Variants in PDE10A observed in about 807,000 individuals in gnomAD.
PDE10A encodes phosphodiesterase 10A.
Under a neutral mutation model 97.7 loss-of-function variants are expected in PDE10A, and 39 were observed. The observed-to-expected ratio is 0.40, with a 90% CI of 0.31 to 0.52. PDE10A has a LOEUF of 0.52. Among genes scored for constraint, PDE10A ranks in the 20% least tolerant of loss-of-function variants. PDE10A has a pLI of 0.56. For missense variants in PDE10A, 731 were observed against 1,047.8 expected (o/e 0.70, Z 4.17); for synonymous variants, 371 against 376.8 (o/e 0.98, Z 0.18).
In PDE10A at chr6:165,328,841, G is replaced by T. The variant is rs1781189130; in HGVS notation, c.*4184C>A. The T allele has an allele frequency of 6.6e-6, 1 of 152,190 alleles. No individual in the cohort carries two copies. Among genetic ancestry groups the T allele is most frequent in the Non-Finnish European group, 1.5e-5 (1 of 68,036 alleles). The allele number at this position is 152,190 out of a possible 1,614,324, so 9.4% of individuals were successfully genotyped here. A position where few individuals can be genotyped will look rare whatever the true frequency, so the allele number is the denominator to read the frequency against. ...ATTCCGTTGGAAAAAAGACAAAAAA[G>T]TGTGCACTGCATTGGATATTACTAA... On this transcript the variant is annotated 3_prime_UTR_variant, in exon 22 of 22. Transcript: ENST00000539869.
At chr6:165,483,239 C>T (rs1409470352) in intron 2 of PDE10A, among the ~76,000 whole-genome samples, 2 of 152,146 alleles carry the variant, frequency 1.3e-5, no homozygotes, top group African/African-American at 4.8e-5. Flanking sequence ...GCAATCAAAC[C>T]CTGTTGTCTG....
chr6:165,454,510 C>T, intron 3 of PDE10A, among the ~76,000 whole-genome samples: 1 of 152,088 alleles, frequency 6.6e-6, no homozygotes, highest in East Asian at 1.9e-4. Context: ...TAGGTTAATA[C>T]CATTACTGGG....
intron 1 of PDE10A, among the ~76,000 whole-genome samples, chr6:165,633,741 C>T (rs1788741193): frequency 6.6e-6 from 1 of 152,024 alleles, no homozygotes; most frequent in Admixed American, 6.5e-5. Flanking sequence ...AATTCTCATG[C>T]CTCAGCCTCC....
chr6:165,418,600 C>T lies in PDE10A; in HGVS notation c.1796+35G>A, dbSNP rs567382599. 21 of 1,599,388 alleles carry T rather than the reference C, an allele frequency of 1.3e-5. No homozygotes were observed. In the African/African-American group the frequency reaches 1.3e-4, roughly 10 times the overall value. On this transcript the variant is annotated intron_variant, in intron 11 of 21. Transcript: ENST00000539869. This position sits in a 1 kb window ranked among gnomAD's most constrained non-coding sequence, Gnocchi z 4.8. ...GGTAACGGAACGCCTGCACATCTACCGTAAGAGGATAGGACATTCTACTTC... is the reference window on the plus strand; with the variant it reads ...GGTAACGGAACGCCTGCACATCTACTGTAAGAGGATAGGACATTCTACTTC...
intron 1 of PDE10A, among the ~76,000 whole-genome samples, chr6:165,593,867 T>A (rs930726085): frequency 3.3e-5 from 5 of 152,162 alleles, no homozygotes; most frequent in Non-Finnish European, 5.9e-5. Context: ...TGTTCAGGCA[T>A]AGTACACAAG....
rs77917440 is a variant in PDE10A at position 165,472,368 on chromosome 6, T to C, written c.1023+9947A>G. ...CCTAATGCCTATATTTTCTTTTTTC[T>C]GAAATAGATTGCCAAAGACAATCTA... On this transcript the variant is annotated intron_variant, in intron 3 of 21. Transcript: ENST00000539869. Among the ~76,000 whole-genome samples, 724 of 152,262 alleles carry C rather than the reference T, an allele frequency of 4.8e-3. 2 individuals are homozygous for C. Among genetic ancestry groups the C allele is most frequent in the Non-Finnish European group, 7.8e-3 (531 of 67,992 alleles).
intron 1 of PDE10A, among the ~76,000 whole-genome samples, chr6:165,628,973 T>C (rs946303380): frequency 4.7e-4 from 71 of 152,312 alleles, no homozygotes; most frequent in African/African-American, 1.6e-3. Context: ...GCTAAGACTT[T>C]TGTTACAGTT....
intron 18 of PDE10A, among the ~76,000 whole-genome samples, chr6:165,378,812 T>C (rs1784767755): frequency 6.6e-6 from 1 of 152,230 alleles, no homozygotes; most frequent in African/African-American, 2.4e-5. Context: ...TTAATAGGAC[T>C]GGATTCTGGA....
intron 13 of PDE10A, among the ~76,000 whole-genome samples, chr6:165,399,124 T>C (rs1316174452): frequency 6.6e-6 from 1 of 152,150 alleles, no homozygotes; most frequent in African/African-American, 2.4e-5. Flanking sequence ...CACAAGGATA[T>C]AACAACCCTA....
At chr6:165,354,889 G>A (rs1782927905) in intron 18 of PDE10A, among the ~76,000 whole-genome samples, 1 of 152,156 alleles carries the variant, frequency 6.6e-6, no homozygotes, top group South Asian at 2.1e-4. Context: ...AGCAAAGAAT[G>A]GCTTGTGTTA....
intron 1 of PDE10A, among the ~76,000 whole-genome samples, chr6:165,720,856 C>T (rs1792149724): frequency 6.6e-6 from 1 of 152,172 alleles, no homozygotes; most frequent in African/African-American, 2.4e-5. Context: ...GTGGCTCTGG[C>T]CAGGCCATAT....
chr6:165,813,924 A>T (rs995991668), intron 1 of PDE10A, among the ~76,000 whole-genome samples: 4 of 152,198 alleles, frequency 2.6e-5, no homozygotes, highest in African/African-American at 9.7e-5. Context: ...ATTAGATGAA[A>T]AAAGGATTCT....
At chr6:165,717,720 G>A (rs886105625) in intron 1 of PDE10A, among the ~76,000 whole-genome samples, 4 of 152,134 alleles carry the variant, frequency 2.6e-5, no homozygotes, top group Non-Finnish European at 4.4e-5. Flanking sequence ...TGTTTCCTGC[G>A]ATGGTTGCAC....
chr6:165,379,116 C>T lies in PDE10A; in HGVS notation c.2783+78G>A. On this transcript the variant is annotated intron_variant, in intron 18 of 21. Transcript: ENST00000539869. ...TCCTTCTTTCAAATATAAGCTTACG[C>T]CACATTACATTTCTTAAGTATCAAT... The T allele has an allele frequency of 1.0e-6, 1 of 960,384 alleles. No homozygotes were observed. Among genetic ancestry groups the T allele is most frequent in the Non-Finnish European group, 1.6e-6 (1 of 636,836 alleles). 59.5% of individuals were successfully genotyped at this position (960,384 alleles called of 1,614,324 possible).
intron 1 of PDE10A, among the ~76,000 whole-genome samples, chr6:165,865,213 AAGG>A (rs1189696407): frequency 3.9e-5 from 6 of 152,224 alleles, no homozygotes; most frequent in African/African-American, 7.2e-5. Context: ...AAGAAATCAC[AAGG>A]AGACTACTCT....
At chr6:165,982,350 A>G (rs1785045567) in intron 1 of PDE10A, among the ~76,000 whole-genome samples, 1 of 152,218 alleles carries the variant, frequency 6.6e-6, no homozygotes. Flanking sequence ...CCAAAACAGA[A>G]ACTACTTACT....
intron 1 of PDE10A, among the ~76,000 whole-genome samples, chr6:165,840,240 C>T (rs984095622): frequency 6.6e-6 from 1 of 151,940 alleles, no homozygotes; most frequent in African/African-American, 2.4e-5. Context: ...TGTCTTCATC[C>T]CCAGCTCCAT....
At chr6:165,763,248 T>C (rs976012698) in intron 1 of PDE10A, among the ~76,000 whole-genome samples, 1 of 152,230 alleles carries the variant, frequency 6.6e-6, no homozygotes, top group Admixed American at 6.5e-5. Context: ...CGTTTTCTCC[T>C]TTCCTTAAGG....
intron 1 of PDE10A, among the ~76,000 whole-genome samples, chr6:165,857,059 G>A (rs748101481): frequency 6.6e-6 from 1 of 152,174 alleles, no homozygotes; most frequent in Non-Finnish European, 1.5e-5. Context: ...CTGTTTTAAT[G>A]CAAAAGTATT....
Sources: gnomAD v4.1 joint callset for allele counts (sites outside exome capture counted in the v4.1 genomes callset) on GRCh38, gnomAD v4.1.1 for gene constraint, Gnocchi (gnomAD v3.1) non-coding constraint, MANE v1.5 for transcripts, NCBI Gene and HGNC (gene_info 2026-07-23, HGNC 2026-07-21) for gene names.